The following FAM163A variants were observed in gnomAD, a reference collection of about 807,000 sequenced individuals.
The protein encoded by FAM163A is protein FAM163A.
Under a neutral mutation model 12.0 loss-of-function variants are expected in FAM163A, and 7 were observed. The ratio of observed to expected loss-of-function variants is 0.58; its 90% CI spans 0.33 to 1.10. The LOEUF (loss-of-function observed/expected upper bound fraction) is 1.10, where lower values mean the gene tolerates loss of function less well. Ranked by LOEUF, FAM163A falls within the 50% of genes least tolerant of loss-of-function variation. FAM163A has a pLI of 0.03. For synonymous variants in FAM163A, 101 were observed against 91.0 expected (o/e 1.11, Z -0.62); for missense variants, 202 against 218.6 (o/e 0.92, Z 0.48).
upstream of FAM163A, chr1:179,742,327 C>G (rs1308532926): frequency 6.6e-6 from 1 of 152,060 alleles, no homozygotes. Flanking sequence ...AAATGGATTC[C>G]CTGATCACCT....
intron 1 of FAM163A, among the ~76,000 whole-genome samples, chr1:179,778,899 T>C (rs1490394405): frequency 1.3e-5 from 2 of 152,136 alleles, no homozygotes; most frequent in Non-Finnish European, 2.9e-5. Flanking sequence ...ACAGACCTAA[T>C]AGAGGCTCCG....
At chr1:179,792,333 T>G (rs1213387489) in intron 1 of FAM163A, among the ~76,000 whole-genome samples, 1 of 139,474 alleles carries the variant, frequency 7.2e-6, no homozygotes, top group African/African-American at 2.7e-5. Flanking sequence ...GTGTGGAGAT[T>G]GGGTCTCTTT....
At chr1:179,801,004 C>A (rs761032975) in intron 1 of FAM163A, among the ~76,000 whole-genome samples, 5 of 152,150 alleles carry the variant, frequency 3.3e-5, no homozygotes, top group South Asian at 2.1e-4. Flanking sequence ...GAAACCCAAA[C>A]TCTGTTCTGA....
chr1:179,794,797 C>A (rs1054523754), intron 1 of FAM163A, among the ~76,000 whole-genome samples: 5 of 152,022 alleles, frequency 3.3e-5, no homozygotes, highest in African/African-American at 1.2e-4. Flanking sequence ...TGGGAGTGAA[C>A]CCTGGGTCAT....
chr1:179,772,156 C>G (rs906029481), intron 1 of FAM163A, among the ~76,000 whole-genome samples: 5 of 152,200 alleles, frequency 3.3e-5, no homozygotes, highest in African/African-American at 1.2e-4. Context: ...TCCGGACTTT[C>G]TGTTAACAGT....
chr1:179,730,085 G>T, the FAM163A span: 1 of 152,188 alleles, frequency 6.6e-6, no homozygotes, highest in South Asian at 2.1e-4. Flanking sequence ...AGAAAGACAG[G>T]TTAGGTATCA....
intron 1 of FAM163A, among the ~76,000 whole-genome samples, chr1:179,763,743 T>C (rs1248786676): frequency 6.6e-6 from 1 of 152,176 alleles, no homozygotes; most frequent in Non-Finnish European, 1.5e-5. Flanking sequence ...AAGTCCCATT[T>C]TACAGATGCA....
intron 1 of FAM163A, among the ~76,000 whole-genome samples, chr1:179,786,576 C>T (rs186826648): frequency 5.4e-4 from 82 of 152,342 alleles, no homozygotes; most frequent in African/African-American, 1.9e-3. Context: ...GTGTGTGTAG[C>T]ACTTAGCCAC....
In FAM163A at chr1:179,799,461, G is replaced by A. The variant is rs539728190; in HGVS notation, c.-135-8337G>A. On this transcript the variant is annotated intron_variant, in intron 1 of 4. Transcript: ENST00000341785. ...AGGGTGGCATGGAGATGGGCCGCTCGGCACGTTCCGTGCATAGCAAGAACG... is the reference window on the plus strand; with the variant it reads ...AGGGTGGCATGGAGATGGGCCGCTCAGCACGTTCCGTGCATAGCAAGAACG... 2.6e-5 allele frequency among the ~76,000 whole-genome samples: 4 copies of A among 152,352 alleles called. No homozygotes were observed. The East Asian group carries it at 5.8e-4, about 22-fold the overall frequency.
chr1:179,767,726 G>A (rs1055137011), intron 1 of FAM163A, among the ~76,000 whole-genome samples: 1 of 152,126 alleles, frequency 6.6e-6, no homozygotes, highest in East Asian at 1.9e-4. Context: ...CACAGAAGGA[G>A]AATCCTGGTG....
chr1:179,775,024 G>A (rs1051675432), intron 1 of FAM163A, among the ~76,000 whole-genome samples: 3 of 152,176 alleles, frequency 2.0e-5, no homozygotes, highest in Non-Finnish European at 2.9e-5. Flanking sequence ...CGAAAGCAAC[G>A]ATTTATTGAA....
chr1:179,765,468 AT>A (rs973969674), intron 1 of FAM163A, among the ~76,000 whole-genome samples: 36 of 152,290 alleles, frequency 2.4e-4, no homozygotes, highest in African/African-American at 8.2e-4. Context: ...AGACGGTAAT[AT>A]TCTTGCCCAG....
intron 1 of FAM163A, among the ~76,000 whole-genome samples, chr1:179,791,749 T>C (rs1165286886): frequency 6.6e-6 from 1 of 152,182 alleles, no homozygotes; most frequent in Non-Finnish European, 1.5e-5. Context: ...CCTACAAATG[T>C]TAGGATAGCA....
At chr1:179,734,219 A>G in the FAM163A span, among the ~76,000 whole-genome samples, 2 of 152,218 alleles carry the variant, frequency 1.3e-5, no homozygotes, top group African/African-American at 4.8e-5. Flanking sequence ...AATTTTTGAA[A>G]TTCAAGTTGT....
At chr1:179,761,308 A>G (rs1686781703) in intron 1 of FAM163A, among the ~76,000 whole-genome samples, 1 of 152,234 alleles carries the variant, frequency 6.6e-6, no homozygotes, top group African/African-American at 2.4e-5. Context: ...CTTTTATGAT[A>G]AGAAGCAAAC....
At chr1:179,750,066 C>T (rs958887067) in intron 1 of FAM163A, among the ~76,000 whole-genome samples, 3 of 152,058 alleles carry the variant, frequency 2.0e-5, no homozygotes, top group African/African-American at 7.2e-5. Context: ...ACCAGGGCTC[C>T]ACAGAAGCGC....
At chr1:179,785,907 A>G (rs1345364816) in intron 1 of FAM163A, among the ~76,000 whole-genome samples, 1 of 152,156 alleles carries the variant, frequency 6.6e-6, no homozygotes, top group Admixed American at 6.5e-5. Context: ...ATTTCCCTTC[A>G]TATATAATGC....
intron 3 of FAM163A, among the ~76,000 whole-genome samples, chr1:179,812,689 T>C (rs1347233348): frequency 6.6e-6 from 1 of 151,994 alleles, no homozygotes; most frequent in Non-Finnish European, 1.5e-5. Flanking sequence ...ATCGCGAGGA[T>C]GTAGTAAGAT....
chr1:179,791,965 TTAG>T (rs1447889164), intron 1 of FAM163A, among the ~76,000 whole-genome samples: 1 of 152,090 alleles, frequency 6.6e-6, no homozygotes, highest in Admixed American at 6.5e-5. Context: ...GAAACAGCAT[TTAG>T]TAGTATTAAG....
Sources: allele counts gnomAD v4.1 joint callset (sites outside exome capture counted in the v4.1 genomes callset), GRCh38; gene constraint gnomAD v4.1.1; transcripts MANE v1.5; gene names NCBI Gene and HGNC (gene_info 2026-07-23, HGNC 2026-07-21).